DGKB: variants seen among roughly 807,000 people sequenced by gnomAD.
The protein encoded by DGKB is 90 kDa diacylglycerol kinase.
Under a neutral mutation model 114.3 loss-of-function variants are expected in DGKB, and 67 were observed. The ratio of observed to expected loss-of-function variants is 0.59; its 90% CI spans 0.48 to 0.72. The LOEUF (loss-of-function observed/expected upper bound fraction) is 0.72. Among genes scored for constraint, DGKB ranks in the 30% least tolerant of loss-of-function variants. The pLI, the probability that DGKB is intolerant of heterozygous loss-of-function variation, is 0.00. For missense variants in DGKB, 907 were observed against 975.2 expected (o/e 0.93, Z 0.93); for synonymous variants, 398 against 323.1 (o/e 1.23, Z -2.49).
At chr7:14,919,970 G>A (rs915699290) in intron 1 of DGKB, among the ~76,000 whole-genome samples, 1 of 152,114 alleles carries the variant, frequency 6.6e-6, no homozygotes, top group Non-Finnish European at 1.5e-5. Flanking sequence ...TGCAAACCAT[G>A]AGCCAAAATA....
intron 23 of DGKB, among the ~76,000 whole-genome samples, chr7:14,217,895 A>G (rs1040023832): frequency 6.6e-6 from 1 of 152,012 alleles, no homozygotes; most frequent in African/African-American, 2.4e-5. Flanking sequence ...GTGTCCCTCT[A>G]TTGCGTCTGA....
rs376660364 is a variant in DGKB at position 14,473,502 on chromosome 7, G to T, written c.1835+4659C>A. On this transcript the variant is annotated intron_variant, in intron 21 of 25. Transcript: ENST00000402815. ...TAGGGCAATGAGGAAGGGAAATGTG[G>T]GGTCAGAACCCCCACAATGCATCCC... Among the ~76,000 whole-genome samples, 10 of 152,300 alleles carry T rather than the reference G, an allele frequency of 6.6e-5. No individual in the cohort carries two copies. The South Asian group carries it at 1.7e-3, about 25-fold the overall frequency.
At chr7:14,366,100 G>T (rs114823906) in intron 21 of DGKB, among the ~76,000 whole-genome samples, 392 of 152,136 alleles carry the variant, frequency 2.6e-3, no homozygotes, top group African/African-American at 9.2e-3. Flanking sequence ...AATTAACAAA[G>T]ATCTTAGGTG....
intron 17 of DGKB, among the ~76,000 whole-genome samples, chr7:14,584,047 T>C (rs1249105124): frequency 6.6e-6 from 1 of 152,176 alleles, no homozygotes; most frequent in East Asian, 1.9e-4. Flanking sequence ...CACACATATT[T>C]TCAACACGAA....
At chr7:14,875,571 G>C in intron 1 of DGKB, among the ~76,000 whole-genome samples, 1 of 152,092 alleles carries the variant, frequency 6.6e-6, no homozygotes, top group Non-Finnish European at 1.5e-5. Context: ...AAACTGTTAG[G>C]ACTACTGTTG....
intron 2 of DGKB, among the ~76,000 whole-genome samples, chr7:14,832,923 A>G (rs953713199): frequency 1.5e-4 from 23 of 152,198 alleles, no homozygotes; most frequent in African/African-American, 4.1e-4. Flanking sequence ...TTATATCTCA[A>G]TCTGATAACC....
At chr7:14,958,476 C>CACACACACACACACACACACA (rs3036023) in intron 1 of DGKB, among the ~76,000 whole-genome samples, 1 of 148,532 alleles carries the variant, frequency 6.7e-6, no homozygotes, top group Non-Finnish European at 1.5e-5. Flanking sequence ...CACACACACA[C>CACACACACACACACACACACA]CCCGTCCAGG....
chr7:14,280,972 C>T (rs1799853499), intron 23 of DGKB, among the ~76,000 whole-genome samples: 1 of 151,308 alleles, frequency 6.6e-6, no homozygotes, highest in African/African-American at 2.4e-5. Flanking sequence ...AAATCACCAG[C>T]TAACATCATA....
intron 20 of DGKB, among the ~76,000 whole-genome samples, chr7:14,549,554 A>C (rs1434775135): frequency 6.6e-6 from 1 of 152,176 alleles, no homozygotes; most frequent in Non-Finnish European, 1.5e-5. Context: ...GAAATCAGAA[A>C]TTCTGGTTCA....
In DGKB at chr7:14,399,193, C is replaced by G. The variant is rs116593218; in HGVS notation, c.1836-53802G>C. Among the ~76,000 whole-genome samples the G allele has an allele frequency of 3.5e-3, 537 of 151,470 alleles. 3 individuals are homozygous for G. Among genetic ancestry groups the G allele is most frequent in the African/African-American group, 0.012 (510 of 41,414 alleles). On this transcript the variant is annotated intron_variant, in intron 21 of 25. Transcript: ENST00000402815. ...TTACTACTACTAGAATAAAAGTGGT[C>G]TAAAGCTATTGAGAATATATCAAAA...
intron 13 of DGKB, among the ~76,000 whole-genome samples, chr7:14,660,419 T>A (rs745756764): frequency 1.3e-5 from 2 of 151,832 alleles, no homozygotes; most frequent in Non-Finnish European, 2.9e-5. Context: ...GATCCTGTTA[T>A]TGGTCTATTC....
At chr7:14,485,671 G>A (rs1295376272) in intron 20 of DGKB, among the ~76,000 whole-genome samples, 4 of 151,888 alleles carry the variant, frequency 2.6e-5, no homozygotes, top group African/African-American at 9.7e-5. Flanking sequence ...GACTGAGACA[G>A]GCAGATCACT....
chr7:14,847,457 A>G (rs1234313990), intron 1 of DGKB, among the ~76,000 whole-genome samples: 2 of 152,230 alleles, frequency 1.3e-5, no homozygotes, highest in Non-Finnish European at 2.9e-5. Context: ...GGATGAAATT[A>G]CATGGAATAT....
chr7:14,855,658 C>T (rs973707701), intron 1 of DGKB, among the ~76,000 whole-genome samples: 2 of 152,106 alleles, frequency 1.3e-5, no homozygotes, highest in Non-Finnish European at 2.9e-5. Flanking sequence ...TCAGTTATTG[C>T]TTTACTTACC....
At chr7:14,181,268 A>G (rs148692085) in intron 23 of DGKB, among the ~76,000 whole-genome samples, 7 of 152,148 alleles carry the variant, frequency 4.6e-5, no homozygotes, top group Non-Finnish European at 1.0e-4. Flanking sequence ...TTGCCCACCT[A>G]TGCTTTAGAG....
At chr7:14,502,710 A>C (rs1786393914) in intron 20 of DGKB, among the ~76,000 whole-genome samples, 2 of 152,132 alleles carry the variant, frequency 1.3e-5, no homozygotes, top group Admixed American at 1.3e-4. Context: ...TTATACATAA[A>C]GTATCTATAT....
chr7:14,825,016 G>GTGTATATATATATATA (rs1480765381), intron 2 of DGKB, among the ~76,000 whole-genome samples: 1 of 92,410 alleles, frequency 1.1e-5, no homozygotes, highest in Non-Finnish European at 2.4e-5. Context: ...GTATGTGTAT[G>GTGTATATATATATATA]TATATATATA....
chr7:14,855,387 A>C (rs975154695), intron 1 of DGKB, among the ~76,000 whole-genome samples: 27 of 152,338 alleles, frequency 1.8e-4, no homozygotes, highest in African/African-American at 6.3e-4. Flanking sequence ...TATTTATTAT[A>C]AATATGTGCT....
chr7:14,383,551 T>C (rs1447164768), intron 21 of DGKB, among the ~76,000 whole-genome samples: 3 of 152,224 alleles, frequency 2.0e-5, no homozygotes, highest in African/African-American at 4.8e-5. Context: ...CTTTCTGCTC[T>C]GCCATCTCCA....
Sources: gnomAD v4.1 joint callset for allele counts (sites outside exome capture counted in the v4.1 genomes callset) on GRCh38, gnomAD v4.1.1 for gene constraint, MANE v1.5 for transcripts, NCBI Gene and HGNC (gene_info 2026-07-23, HGNC 2026-07-21) for gene names.